ARHGAP15: variants seen among roughly 807,000 people sequenced by gnomAD.
ARHGAP15 encodes the protein rho GTPase-activating protein 15.
Under a neutral mutation model 63.7 loss-of-function variants are expected in ARHGAP15, and 51 were observed. That is an observed-to-expected ratio of 0.80 (90% CI 0.64 to 1.01). ARHGAP15 has a LOEUF of 1.01. Among genes scored for constraint, ARHGAP15 ranks in the 50% least tolerant of loss-of-function variants. ARHGAP15 has a pLI of 0.00. For missense variants in ARHGAP15, 560 were observed against 564.6 expected, an observed-to-expected ratio of 0.99 and a Z score of 0.08; for synonymous variants, 191 against 193.8, an observed-to-expected ratio of 0.99 and a Z score of 0.12.
chr2:143,317,659 A>C (rs1683781652), intron 6 of ARHGAP15, among the ~76,000 whole-genome samples: 1 of 152,184 alleles, frequency 6.6e-6, no homozygotes, highest in South Asian at 2.1e-4. Context: ...CTTTACCTCC[A>C]AAACTGAGGA....
intron 11 of ARHGAP15, among the ~76,000 whole-genome samples, chr2:143,559,022 C>T (rs1182684518): frequency 6.6e-6 from 1 of 152,154 alleles, no homozygotes; most frequent in Non-Finnish European, 1.5e-5. Context: ...AGCGTACCCC[C>T]TCTGTGGGTA....
intron 12 of ARHGAP15, among the ~76,000 whole-genome samples, chr2:143,638,762 T>C (rs1680466867): frequency 6.6e-6 from 1 of 151,174 alleles, no homozygotes; most frequent in South Asian, 2.1e-4. Context: ...TGGACAACAT[T>C]TAGAAAGAAT....
intron 6 of ARHGAP15, among the ~76,000 whole-genome samples, chr2:143,383,820 C>T (rs1239520404): frequency 6.6e-6 from 1 of 152,080 alleles, no homozygotes; most frequent in Non-Finnish European, 1.5e-5. Flanking sequence ...AGGTGTTACG[C>T]AGTGAAATAC....
chr2:143,514,148 C>A (rs1693706408), intron 9 of ARHGAP15, among the ~76,000 whole-genome samples: 1 of 152,116 alleles, frequency 6.6e-6, no homozygotes, highest in African/African-American at 2.4e-5. Context: ...TTATTCTGTC[C>A]ACCTAAACTG....
chr2:143,414,626 T>G (rs1688601075), intron 6 of ARHGAP15, among the ~76,000 whole-genome samples: 1 of 152,104 alleles, frequency 6.6e-6, no homozygotes, highest in African/African-American at 2.4e-5. Context: ...TTATATAAGG[T>G]CTTACACGTA....
intron 11 of ARHGAP15, among the ~76,000 whole-genome samples, chr2:143,560,567 A>G (rs914351048): frequency 6.6e-6 from 1 of 152,240 alleles, no homozygotes; most frequent in Non-Finnish European, 1.5e-5. Context: ...GCTGTTGATT[A>G]TCTCTTTATA....
rs192719919 is a variant in ARHGAP15 at position 143,667,285 on chromosome 2, T to C, written c.1139-36134T>C. Among the ~76,000 whole-genome samples the C allele has an allele frequency of 5.5e-3, 812 of 148,990 alleles. 3 individuals carry two copies. The highest frequency in any genetic ancestry group is 8.3e-3 in the Non-Finnish European group (558 of 67,158). On this transcript the variant is annotated intron_variant, in intron 12 of 13. Transcript: ENST00000295095. Reference sequence around the variant, plus strand: ...GTGGTTTGTAGGGACATGGATGAAATTGGAAATCATCATTCTCAGTAAACT... The same window carrying C: ...GTGGTTTGTAGGGACATGGATGAAACTGGAAATCATCATTCTCAGTAAACT...
intron 13 of ARHGAP15, among the ~76,000 whole-genome samples, chr2:143,763,072 A>C (rs6740197): frequency 1.4e-4 from 21 of 152,002 alleles, no homozygotes; most frequent in African/African-American, 4.8e-4. Context: ...TCTTTTCTAC[A>C]TATGTTTTAC....
At chr2:143,586,748 G>A (rs1434530784) in intron 11 of ARHGAP15, among the ~76,000 whole-genome samples, 5 of 151,772 alleles carry the variant, frequency 3.3e-5, no homozygotes, top group Admixed American at 1.3e-4. Flanking sequence ...ATCTTCTGAT[G>A]TATAGCCCTT....
At chr2:143,239,386 T>G (rs374500537) in intron 5 of ARHGAP15, among the ~76,000 whole-genome samples, 1 of 152,192 alleles carries the variant, frequency 6.6e-6, no homozygotes, top group Non-Finnish European at 1.5e-5. Context: ...ACAATGGATC[T>G]CTAGAATTTA....
At chr2:143,284,006 A>G (rs1000306375) in intron 6 of ARHGAP15, among the ~76,000 whole-genome samples, 7 of 152,052 alleles carry the variant, frequency 4.6e-5, no homozygotes, top group African/African-American at 1.2e-4. Flanking sequence ...GGACATTTCT[A>G]CTTTGATGAT....
intron 8 of ARHGAP15, among the ~76,000 whole-genome samples, chr2:143,478,622 C>A (rs1574504645): frequency 6.6e-6 from 1 of 152,132 alleles, no homozygotes; most frequent in South Asian, 2.1e-4. Context: ...ATGGAACCTA[C>A]CATATTGATA....
At chr2:143,219,309 C>T (rs1427783845) in intron 4 of ARHGAP15, among the ~76,000 whole-genome samples, 3 of 152,160 alleles carry the variant, frequency 2.0e-5, no homozygotes, top group African/African-American at 7.2e-5. Context: ...GCCATATAGC[C>T]TAGCGTGTGG....
In ARHGAP15 at chr2:143,318,954, T is replaced by A. The variant is rs114051855; in HGVS notation, c.474+68354T>A. Among the ~76,000 whole-genome samples, 705 of 152,240 alleles carry A rather than the reference T, an allele frequency of 4.6e-3. 4 individuals are homozygous for A. Among genetic ancestry groups the A allele is most frequent in the African/African-American group, 0.015 (628 of 41,554 alleles). ...CAGGTTCCGAAAACTCCCGCGCAAA[T>A]ATCTTATAGCAATGAACCTCAACTG... On this transcript the variant is annotated intron_variant, in intron 6 of 13. Coordinates refer to ENST00000295095, the MANE Select transcript of ARHGAP15 (RefSeq NM_018460.4).
chr2:143,767,917 T>C, intron 13 of ARHGAP15, 72 bp from the exon 14 acceptor site: 1 of 1,412,274 alleles, frequency 7.1e-7, no homozygotes, highest in East Asian at 2.3e-5. Flanking sequence ...AAACCTTTTT[T>C]AATCACTCCA....
intron 10 of ARHGAP15, among the ~76,000 whole-genome samples, chr2:143,540,880 T>G (rs1045198185): frequency 2.6e-5 from 4 of 152,196 alleles, no homozygotes; most frequent in Non-Finnish European, 4.4e-5. Flanking sequence ...CCAAGGAGAA[T>G]CTTTGTGGCA....
intron 10 of ARHGAP15, among the ~76,000 whole-genome samples, chr2:143,537,372 C>T (rs1344503497): frequency 6.6e-6 from 1 of 152,024 alleles, no homozygotes; most frequent in African/African-American, 2.4e-5. Flanking sequence ...TGCGGAAGCT[C>T]TTTAGTTTAA....
chr2:143,478,784 C>T (rs1285297756), intron 8 of ARHGAP15, among the ~76,000 whole-genome samples: 3 of 152,164 alleles, frequency 2.0e-5, no homozygotes, highest in African/African-American at 7.2e-5. Flanking sequence ...TTATGTATAA[C>T]TTATAATCTA....
intron 2 of ARHGAP15, among the ~76,000 whole-genome samples, chr2:143,161,657 T>C (rs1690302925): frequency 6.6e-6 from 1 of 151,898 alleles, no homozygotes; most frequent in Non-Finnish European, 1.5e-5. Flanking sequence ...GAACATCTTG[T>C]CAAATACTGC....
Sources: gnomAD v4.1 joint callset for allele counts (sites outside exome capture counted in the v4.1 genomes callset) on GRCh38, gnomAD v4.1.1 for gene constraint, MANE v1.5 for transcripts, NCBI Gene and HGNC (gene_info 2026-07-23, HGNC 2026-07-21) for gene names.